DMXL2: variants seen among roughly 807,000 people sequenced by gnomAD.
DMXL2 encodes the protein Dmx like 2, also known as dmX-like protein 2.
DMXL2 carries 103 observed loss-of-function variants against 331.1 expected under a neutral mutation model. The observed-to-expected ratio is 0.31, with a 90% CI of 0.27 to 0.37. The LOEUF is 0.37. Among genes scored for constraint, DMXL2 ranks in the 10% least tolerant of loss-of-function variants. The probability of loss-of-function intolerance (pLI) is 1.00; values close to 1 mark genes in which losing one functional copy is unlikely to be tolerated. For synonymous variants in DMXL2, 1,281 were observed against 1,252.1 expected, an observed-to-expected ratio of 1.02 and a Z score of -0.49; for missense variants, 3,171 against 3,642.9, an observed-to-expected ratio of 0.87 and a Z score of 3.33.
Position 51,622,718 on chromosome 15 carries a change from A to G in DMXL2, c.-173T>C, listed in dbSNP as rs567796438. Reference sequence around the variant, plus strand: ...GCCTTCCCTCCGCCTCGTCCCTGCCATGGGAGCTCCTCGACCGCCGCCGCC... The same window carrying G: ...GCCTTCCCTCCGCCTCGTCCCTGCCGTGGGAGCTCCTCGACCGCCGCCGCC... On this transcript the variant is annotated 5_prime_UTR_variant, in exon 1 of 44. The change abolishes an upstream ATG in the 5' untranslated region. Coordinates refer to ENST00000560891, the MANE Select transcript of DMXL2 (RefSeq NM_001378457.1). 52 of 1,298,466 alleles carry G rather than the reference A, an allele frequency of 4.0e-5. No individual in the cohort carries two copies. Among genetic ancestry groups the G allele is most frequent in the South Asian group, 2.1e-4 (13 of 63,368 alleles). 80.4% of individuals were successfully genotyped at this position (1,298,466 alleles called of 1,614,324 possible).
intron 1 of DMXL2, among the ~76,000 whole-genome samples, chr15:51,601,364 C>CT (rs1231214328): frequency 1.3e-5 from 2 of 150,968 alleles, no homozygotes; most frequent in African/African-American, 4.9e-5. Flanking sequence ...TTTTCCTCTA[C>CT]ATGTATTCCT....
chr15:51,580,010 T>C (rs555104383), intron 1 of DMXL2, among the ~76,000 whole-genome samples: 2 of 152,318 alleles, frequency 1.3e-5, no homozygotes, highest in South Asian at 4.1e-4. Context: ...TCCTGCTCTT[T>C]CCATTGCATT....
chr15:51,514,328 G>A (rs997712628), intron 15 of DMXL2, 114 bp downstream of exon 15: 1 of 637,154 alleles, frequency 1.6e-6, no homozygotes, highest in Non-Finnish European at 2.6e-6. Context: ...ACTAACTGGT[G>A]AATCTGTCAA....
intron 13 of DMXL2, among the ~76,000 whole-genome samples, chr15:51,521,048 C>T (rs1034307944): frequency 2.0e-5 from 3 of 151,986 alleles, no homozygotes; most frequent in Non-Finnish European, 2.9e-5. Flanking sequence ...AAAACATTCA[C>T]GTTTTTTATA....
At chr15:51,606,715 AG>A (rs1288506014) in intron 1 of DMXL2, among the ~76,000 whole-genome samples, 2 of 152,236 alleles carry the variant, frequency 1.3e-5, no homozygotes, top group Non-Finnish European at 2.9e-5. Flanking sequence ...CTATCACACA[AG>A]GAAAAAAGAC....
chr15:51,450,017 T>G (rs2038994571), intron 43 of DMXL2, 112 bp downstream of exon 43: 1 of 954,058 alleles, frequency 1.0e-6, no homozygotes, highest in South Asian at 1.6e-5. Flanking sequence ...AGTATCTCCA[T>G]GCAGTAGCCC....
chr15:51,487,194 G>A (rs936666452), intron 22 of DMXL2, among the ~76,000 whole-genome samples: 4 of 151,910 alleles, frequency 2.6e-5, no homozygotes, highest in Non-Finnish European at 4.4e-5. Context: ...TCCTCACATC[G>A]TTTTCTAATA....
intron 28 of DMXL2, among the ~76,000 whole-genome samples, chr15:51,472,144 T>C (rs1595927489): frequency 6.6e-6 from 1 of 152,136 alleles, no homozygotes; most frequent in South Asian, 2.1e-4. Context: ...GATTCAGGAA[T>C]TGGGTATGGG....
chr15:51,566,233 GTGTGTGTGTGTGTGTGTGTGTGTGT>G (rs2050271317), intron 3 of DMXL2, among the ~76,000 whole-genome samples: 2 of 14,596 alleles, frequency 1.4e-4, no homozygotes, highest in African/African-American at 5.9e-4. Context: ...TGTGTGTGGG[GTGTGTGTGTGTGTGTGTGTGTGTGT>G]GTGTGTGTGT....
rs369085530 is a variant in DMXL2, at chr15:51,474,617, G to C, written c.6965-25C>G. The stretch of plus-strand genomic sequence containing the variant: ...CCTATAAGGGTATATAAAATCATAA[G>C]ACGTATGTCAGGATGAAGCACCAGA... On this transcript the variant is annotated intron_variant, in intron 27 of 43. Transcript: ENST00000560891. 3.9e-6 allele frequency: 6 copies of C among 1,553,866 alleles called. No homozygotes were observed. In the African/African-American group the frequency reaches 6.9e-5, roughly 18 times the overall value.
At chr15:51,615,255 A>G (rs1421854931) in intron 1 of DMXL2, among the ~76,000 whole-genome samples, 1 of 152,242 alleles carries the variant, frequency 6.6e-6, no homozygotes, top group Non-Finnish European at 1.5e-5. Context: ...AGAAGAAGCA[A>G]TTAAGCATGG....
chr15:51,526,150 G>A (rs1057096287), intron 13 of DMXL2, among the ~76,000 whole-genome samples: 20 of 130,520 alleles, frequency 1.5e-4, no homozygotes, highest in African/African-American at 5.6e-4. Flanking sequence ...GAGAGAGAGG[G>A]GGTGGGAGAG....
chr15:51,602,640 CA>C (rs1228053061), intron 1 of DMXL2, among the ~76,000 whole-genome samples: 1 of 152,186 alleles, frequency 6.6e-6, no homozygotes, highest in Non-Finnish European at 1.5e-5. Context: ...AACAGCAGAG[CA>C]AAGACCTTGA....
At chr15:51,561,543 T>C (rs1253735638) in intron 6 of DMXL2, among the ~76,000 whole-genome samples, 1 of 152,156 alleles carries the variant, frequency 6.6e-6, no homozygotes, top group African/African-American at 2.4e-5. Context: ...AAGACGCCAG[T>C]AGTCACAGGT....
chr15:51,597,958 T>C (rs979598589), intron 1 of DMXL2, among the ~76,000 whole-genome samples: 2 of 152,200 alleles, frequency 1.3e-5, no homozygotes, highest in African/African-American at 4.8e-5. Context: ...CCTGTTCAAA[T>C]ATTTCATCCG....
At chr15:51,619,818 A>G (rs1253780662) in intron 1 of DMXL2, among the ~76,000 whole-genome samples, 1 of 152,122 alleles carries the variant, frequency 6.6e-6, no homozygotes, top group African/African-American at 2.4e-5. Context: ...CCATCCATCC[A>G]CTAACCCACC....
chr15:51,477,621 G>C (rs1263396033), intron 26 of DMXL2, among the ~76,000 whole-genome samples: 1 of 152,036 alleles, frequency 6.6e-6, no homozygotes, highest in Non-Finnish European at 1.5e-5. Flanking sequence ...TCAATTTAAT[G>C]TGAATCTACT....
At chr15:51,615,047 T>A (rs940965252) in intron 1 of DMXL2, among the ~76,000 whole-genome samples, 1 of 152,138 alleles carries the variant, frequency 6.6e-6, no homozygotes, top group African/African-American at 2.4e-5. Context: ...CCATTAGAAT[T>A]TGCTAACATT....
rs1187937491 is a variant in DMXL2 at position 51,517,089 on chromosome 15, T to C, written c.2515A>G (p.Ile839Val). The part of the protein sequence containing the change: ...RPGCIIELDA[I>V]TNQCGSNTQL... ...AAGCATGTTTTTACTTGGTTGGTTATTGCGTCGAGTTCAATAATGCAGCCA... is the reference window on the plus strand; with the variant it reads ...AAGCATGTTTTTACTTGGTTGGTTACTGCGTCGAGTTCAATAATGCAGCCA... The change falls in exon 14 of 44, where the codon ATA becomes GTA. Residue 839 changes from isoleucine to valine, a missense_variant. Ile to Val is a conservative substitution (Grantham distance 29). Transcript: ENST00000560891. The C allele has an allele frequency of 6.2e-6, 10 of 1,613,890 alleles. No homozygotes were observed. Among genetic ancestry groups the C allele is most frequent in the Admixed American group, 5.0e-5 (3 of 60,000 alleles).
Sources: allele counts gnomAD v4.1 joint callset (sites outside exome capture counted in the v4.1 genomes callset), GRCh38; gene constraint gnomAD v4.1.1; transcripts MANE v1.5; gene names NCBI Gene and HGNC (gene_info 2026-07-23, HGNC 2026-07-21).